Variants in IGF1R observed in about 807,000 individuals in gnomAD.
IGF1R encodes insulin-like growth factor 1 receptor.
A neutral mutation model predicts 144.6 loss-of-function variants in IGF1R; 44 were observed. The ratio of observed to expected loss-of-function variants is 0.30; its 90% CI spans 0.24 to 0.39. IGF1R has a LOEUF of 0.39. IGF1R is among the 10% of genes least tolerant of loss of function. IGF1R has a pLI of 1.00. For missense variants in IGF1R, 1,355 were observed against 1,833.7 expected, an observed-to-expected ratio of 0.74 and a Z score of 4.77; for synonymous variants, 795 against 722.8, an observed-to-expected ratio of 1.10 and a Z score of -1.60.
At chr15:98,700,724 G>A (rs549695867) in intron 1 of IGF1R, among the ~76,000 whole-genome samples, 5 of 151,928 alleles carry the variant, frequency 3.3e-5, no homozygotes, top group South Asian at 2.1e-4. Context: ...CTGCCACCAG[G>A]CATCAGCTCC....
At chr15:98,767,092 T>C (rs2055454169) in intron 2 of IGF1R, among the ~76,000 whole-genome samples, 2 of 152,294 alleles carry the variant, frequency 1.3e-5, no homozygotes, top group South Asian at 4.1e-4. Flanking sequence ...TTCCACATGG[T>C]TCATTAGAAT....
rs45624237 is a variant in IGF1R at position 98,866,545 on chromosome 15, T to A, written c.641-24780T>A. ...TTAGAAACGAAAATCTAACTTCTGA[T>A]AAATTATTTCAGAGGAGTGGTTCAA... On this transcript the variant is annotated intron_variant, in intron 2 of 20. Transcript: ENST00000650285. Among the ~76,000 whole-genome samples, 15 of 152,328 alleles carry A rather than the reference T, an allele frequency of 9.8e-5. No individual in the cohort carries two copies. In the South Asian group the frequency reaches 2.9e-3, roughly 29 times the overall value.
At chr15:98,719,567 C>A (rs1209780797) in intron 2 of IGF1R, among the ~76,000 whole-genome samples, 1 of 152,118 alleles carries the variant, frequency 6.6e-6, no homozygotes, top group Non-Finnish European at 1.5e-5. Flanking sequence ...TGTTGATAGG[C>A]GATTAACAAA....
chr15:98,753,343 A>G (rs1307614110), intron 2 of IGF1R, among the ~76,000 whole-genome samples: 1 of 149,236 alleles, frequency 6.7e-6, no homozygotes, highest in Non-Finnish European at 1.5e-5. Flanking sequence ...GAGCCCCCCA[A>G]ATAGCTGGGA....
chr15:98,866,291 A>T (rs1373519207), intron 2 of IGF1R, among the ~76,000 whole-genome samples: 1 of 152,144 alleles, frequency 6.6e-6, no homozygotes, highest in Non-Finnish European at 1.5e-5. Context: ...TACCCAGTAA[A>T]TGCAGATCCT....
At chr15:98,824,449 C>T in intron 2 of IGF1R, among the ~76,000 whole-genome samples, 1 of 152,332 alleles carries the variant, frequency 6.6e-6, no homozygotes, top group East Asian at 1.9e-4. Context: ...TTCTTCTTAT[C>T]TAAATAACTC....
At chr15:98,919,464 A>C (rs2015396131) in intron 10 of IGF1R, among the ~76,000 whole-genome samples, 2 of 152,218 alleles carry the variant, frequency 1.3e-5, no homozygotes. Context: ...CCTTGCTTTC[A>C]GTTGTAGTTA....
Position 98,649,382 on chromosome 15 carries a change from C to CGCCGCCCGCCCCGT in IGF1R, c.-199_-186dup, listed in dbSNP as rs2052281967. ...CTGCCGGCGCTGAGGGGCCGCCCCG[C>CGCCGCCCGCCCCGT]GCCGCCCGCCCCGTCCGCGCACCCG... On this transcript the variant is annotated 5_prime_UTR_variant, in exon 1 of 21. Transcript: ENST00000650285. 3.4e-6 allele frequency: 1 copy of CGCCGCCCGCCCCGT among 293,376 alleles called. No homozygotes were observed. Among genetic ancestry groups the CGCCGCCCGCCCCGT allele is most frequent in the East Asian group, 5.2e-5 (1 of 19,264 alleles). The allele number at this position is 293,376 out of a possible 1,614,324, so 18.2% of individuals were successfully genotyped here.
At chr15:98,949,784 C>T (rs2016703041) in intron 20 of IGF1R, among the ~76,000 whole-genome samples, 1 of 152,192 alleles carries the variant, frequency 6.6e-6, no homozygotes, top group African/African-American at 2.4e-5. Flanking sequence ...GCTCAGCGCC[C>T]CCTGGAGAAG....
intron 1 of IGF1R, among the ~76,000 whole-genome samples, chr15:98,681,631 C>T (rs1441326396): frequency 2.0e-5 from 3 of 152,052 alleles, no homozygotes; most frequent in East Asian, 1.9e-4. Context: ...CCATCCCTGT[C>T]GGGGGCTCAT....
intron 1 of IGF1R, among the ~76,000 whole-genome samples, chr15:98,671,073 C>T (rs371057041): frequency 4.3e-4 from 65 of 152,326 alleles, no homozygotes; most frequent in African/African-American, 1.5e-3. Context: ...TTTGGTGTCT[C>T]ACGTTGATGC....
chr15:98,769,361 G>A (rs1016879856), intron 2 of IGF1R, among the ~76,000 whole-genome samples: 1 of 152,148 alleles, frequency 6.6e-6, no homozygotes, highest in African/African-American at 2.4e-5. Context: ...GTTAAAAAAT[G>A]AATGGAAGTT....
chr15:98,899,380 C>G (rs978218569), intron 4 of IGF1R, 97 bp from the exon 5 acceptor site: 1 of 1,268,478 alleles, frequency 7.9e-7, no homozygotes, highest in Non-Finnish European at 1.1e-6. Context: ...CAGGGGGCAC[C>G]TGCCGTTGAA....
intron 19 of IGF1R, among the ~76,000 whole-genome samples, chr15:98,946,821 C>CAGGA (rs2016573001): frequency 6.6e-6 from 1 of 152,180 alleles, no homozygotes; most frequent in South Asian, 2.1e-4. Flanking sequence ...CTGACACAGC[C>CAGGA]AGGAAGGGCA....
At chr15:98,797,909 A>C (rs1322980512) in intron 2 of IGF1R, among the ~76,000 whole-genome samples, 1 of 152,224 alleles carries the variant, frequency 6.6e-6, no homozygotes, top group Non-Finnish European at 1.5e-5. Flanking sequence ...GAGACTTTTA[A>C]GTTGGATTCT....
Position 98,964,511 on chromosome 15 carries a change from A to G in IGF1R, c.*7069A>G. 4.7e-6 allele frequency: 1 copy of G among 212,032 alleles called. No individual in the cohort carries two copies. The highest frequency in any genetic ancestry group is 9.5e-6 in the Non-Finnish European group (1 of 104,736). 13.1% of individuals were successfully genotyped at this position (212,032 alleles called of 1,614,324 possible). ...TAAAGTACTACATGGTTTAAGTTAA[A>G]TAAAATAATTCTGTATGCATTTCTG... On this transcript the variant is annotated 3_prime_UTR_variant, in exon 21 of 21. Transcript: ENST00000650285.
intron 2 of IGF1R, among the ~76,000 whole-genome samples, chr15:98,753,016 A>T (rs1250320920): frequency 6.9e-6 from 1 of 145,776 alleles, no homozygotes; most frequent in East Asian, 2.1e-4. Context: ...GCTCACTGCA[A>T]CCTCCGCCTC....
intron 2 of IGF1R, among the ~76,000 whole-genome samples, chr15:98,805,541 C>T (rs1232421711): frequency 6.6e-6 from 1 of 152,102 alleles, no homozygotes; most frequent in Non-Finnish European, 1.5e-5. Flanking sequence ...CACCTGAGAG[C>T]ACACTGCCCG....
chr15:98,673,423 G>T (rs1215933838), intron 1 of IGF1R, among the ~76,000 whole-genome samples: 4 of 152,140 alleles, frequency 2.6e-5, no homozygotes, highest in Non-Finnish European at 5.9e-5. Context: ...GAAAATAACA[G>T]CCCTCTTAGC....
Sources: allele counts gnomAD v4.1 joint callset (sites outside exome capture counted in the v4.1 genomes callset), GRCh38; gene constraint gnomAD v4.1.1; transcripts MANE v1.5; gene names NCBI Gene and HGNC (gene_info 2026-07-23, HGNC 2026-07-21).